The following CHEK2 variants were observed in gnomAD, a reference collection of about 807,000 sequenced individuals.
The protein encoded by CHEK2 is checkpoint kinase 2.
A neutral mutation model predicts 69.1 loss-of-function variants in CHEK2; 71 were observed. The observed-to-expected ratio is 1.03, with a 90% CI of 0.85 to 1.25. The LOEUF (loss-of-function observed/expected upper bound fraction) is 1.25. Among genes scored for constraint, CHEK2 ranks in the 50% most tolerant of loss-of-function variants. The probability of loss-of-function intolerance (pLI) is 0.00; values close to 1 mark genes in which losing one functional copy is unlikely to be tolerated. For synonymous variants in CHEK2, 189 were observed against 226.9 expected (o/e 0.83, Z 1.50); for missense variants, 664 against 649.6 (o/e 1.02, Z -0.24).
At position 28,719,382 on chromosome 22, in the gene CHEK2, G is replaced by C. The variant is rs778407044; in HGVS notation, c.683+13C>G. ...GAAAAAATTAAGTGCATTTATATAAGAAAATAATTTACCTTCCAAGAGTTT... is the reference window on the plus strand; with the variant it reads ...GAAAAAATTAAGTGCATTTATATAACAAAATAATTTACCTTCCAAGAGTTT... On this transcript the variant is annotated intron_variant, in intron 5 of 14. Transcript: ENST00000404276. The C allele has an allele frequency of 1.4e-6, 2 of 1,480,864 alleles. No homozygotes were observed. Among genetic ancestry groups the C allele is most frequent in the South Asian group, 1.2e-5 (1 of 81,904 alleles). The allele number at this position is 1,480,864 out of a possible 1,614,324, so 91.7% of individuals were successfully genotyped here.
At chr22:28,728,683 CAG>C (rs937431384) in intron 2 of CHEK2, among the ~76,000 whole-genome samples, 2 of 151,914 alleles carry the variant, frequency 1.3e-5, no homozygotes, top group Non-Finnish European at 2.9e-5. Context: ...GCCTGGGTGA[CAG>C]AGAGAGAGAC....
chr22:28,735,889 A>G (rs143836897), intron 1 of CHEK2, among the ~76,000 whole-genome samples: 12 of 151,992 alleles, frequency 7.9e-5, no homozygotes, highest in African/African-American at 2.9e-4. Context: ...TCTCAAAAAA[A>G]TTAATTAATT....
At chr22:28,717,996 G>A (rs936077768) in intron 5 of CHEK2, among the ~76,000 whole-genome samples, 15 of 152,228 alleles carry the variant, frequency 9.9e-5, no homozygotes, top group South Asian at 6.2e-4. Flanking sequence ...CAGAAGAATC[G>A]CTTGAACCCG....
chr22:28,716,716 A>T (rs1040478534), intron 5 of CHEK2, among the ~76,000 whole-genome samples: 5 of 152,166 alleles, frequency 3.3e-5, no homozygotes, highest in African/African-American at 1.2e-4. Flanking sequence ...GACCTTTGTG[A>T]GACAGGAAGG....
intron 2 of CHEK2, among the ~76,000 whole-genome samples, chr22:28,732,438 G>C (rs1290188555): frequency 6.6e-6 from 1 of 151,936 alleles, no homozygotes; most frequent in East Asian, 1.9e-4. Flanking sequence ...ACAGAGACAG[G>C]GTTTCCCCAT....
At chr22:28,734,811 ACAGC>A in intron 1 of CHEK2, 84 bp from the exon 2 acceptor site, 1 of 1,067,438 alleles carries the variant, frequency 9.4e-7, no homozygotes, top group South Asian at 1.4e-5. Flanking sequence ...GCCTATTACA[ACAGC>A]AAAAGAAAAG....
intron 2 of CHEK2, 103 bp from the exon 3 acceptor site, chr22:28,725,470 A>T (rs2053972433): frequency 7.5e-7 from 1 of 1,324,516 alleles, no homozygotes. Context: ...CTAAGAAGGC[A>T]ATCAGAATTA....
At chr22:28,698,096 T>A (rs5762750) in intron 9 of CHEK2, among the ~76,000 whole-genome samples, 84,818 of 151,174 alleles carry the variant, frequency 0.56, 25,797 homozygotes, top group South Asian at 0.78. Context: ...ATTTTTTTTT[T>A]AAAAAGGCTT....
intron 1 of CHEK2, among the ~76,000 whole-genome samples, chr22:28,739,459 GCGGGCA>G (rs2054500522): frequency 6.6e-6 from 1 of 152,094 alleles, no homozygotes; most frequent in Non-Finnish European, 1.5e-5. Flanking sequence ...GGAGGCGGAG[GCGGGCA>G]GATCACTTGG....
At position 28,720,213 on chromosome 22, in the gene CHEK2, C is replaced by T. The variant is rs530400539; in HGVS notation, c.593-728G>A. Among the ~76,000 whole-genome samples the T allele has an allele frequency of 3.3e-5, 5 of 151,374 alleles. No homozygotes were observed. The South Asian group carries it at 8.3e-4, about 25-fold the overall frequency. ...TCAAGCAATTTTTGTGCCTCAGCCT[C>T]CTGAGTAGCTGGGATTACAGGCGAA... On this transcript the variant is annotated intron_variant, in intron 4 of 14. Coordinates refer to ENST00000404276, the MANE Select transcript of CHEK2 (RefSeq NM_007194.4).
At chr22:28,716,233 G>C (rs937504594) in intron 5 of CHEK2, among the ~76,000 whole-genome samples, 6 of 139,828 alleles carry the variant, frequency 4.3e-5, no homozygotes, top group African/African-American at 8.2e-5. Context: ...GTCTCACTCT[G>C]TTGCCAAGGG....
At chr22:28,702,474 G>A (rs1415007720) in intron 8 of CHEK2, among the ~76,000 whole-genome samples, 4 of 150,258 alleles carry the variant, frequency 2.7e-5, no homozygotes, top group Non-Finnish European at 5.9e-5. Context: ...TCCTGACCTT[G>A]TGATCCGCCC....
In CHEK2 at chr22:28,719,659, A is replaced by AT. The variant is rs1284888663; in HGVS notation, c.593-175dup. ...ATAATAGGTATTAGTGGGCTAATACATATTGTAAAGCCCTTGAGAAATAAA... is the reference window on the plus strand; with the variant it reads ...ATAATAGGTATTAGTGGGCTAATACATTATTGTAAAGCCCTTGAGAAATAAA... On this transcript the variant is annotated intron_variant, in intron 4 of 14. Coordinates refer to ENST00000404276, the MANE Select transcript of CHEK2 (RefSeq NM_007194.4). 2.0e-5 allele frequency among the ~76,000 whole-genome samples: 3 copies of AT among 152,360 alleles called. No individual in the cohort carries two copies. The East Asian group carries it at 5.8e-4, about 29-fold the overall frequency.
At chr22:28,727,153 T>C (rs1332080749) in intron 2 of CHEK2, among the ~76,000 whole-genome samples, 1 of 152,168 alleles carries the variant, frequency 6.6e-6, no homozygotes, top group African/African-American at 2.4e-5. Context: ...GCGATTCTCC[T>C]GCCTCAGCCT....
intron 2 of CHEK2, among the ~76,000 whole-genome samples, chr22:28,729,540 C>CAAAAAAAAAAAAAAAAA (rs58149342): frequency 1.3e-3 from 112 of 83,070 alleles, no homozygotes; most frequent in East Asian, 6.0e-3. Context: ...GACTCCATCT[C>CAAAAAAAAAAAAAAAAA]AAAAAAAAAA....
chr22:28,732,458 G>T (rs2054249202), intron 2 of CHEK2, among the ~76,000 whole-genome samples: 1 of 152,074 alleles, frequency 6.6e-6, no homozygotes, highest in African/African-American at 2.4e-5. Context: ...TGTTGGCCAG[G>T]ATGGCCTCAA....
chr22:28,741,169 A>AAAG lies in CHEK2; in HGVS notation c.-7+599_-7+600insCTT, dbSNP rs1555935754. Among the ~76,000 whole-genome samples the AAAG allele has an allele frequency of 5.8e-5, 8 of 137,014 alleles. 1 individual carries two copies. The highest frequency in any genetic ancestry group is 3.0e-4 in the Admixed American group (4 of 13,552). 89.9% of individuals were successfully genotyped at this position (137,014 alleles called of 152,430 possible). On this transcript the variant is annotated intron_variant, in intron 1 of 14. Transcript: ENST00000404276. ...GTCTCAAAAAAAAAAAAAAAAAAAA[A>AAAG]AAAGGTACAGATGGTAATCATATAT...
chr22:28,730,326 A>AGGAAAGCGGAAG (rs2054172501), intron 2 of CHEK2: 4 of 439,714 alleles, frequency 9.1e-6, no homozygotes, highest in African/African-American at 8.6e-5. Context: ...CAGAAGGGAA[A>AGGAAAGCGGAAG]GGAAAGGAAA....
In CHEK2 at chr22:28,741,759, T is replaced by C. The variant is rs1057520794; in HGVS notation, c.-7+10A>G. 3 of 414,172 alleles carry C rather than the reference T, an allele frequency of 7.2e-6. No homozygotes were observed. Among genetic ancestry groups the C allele is most frequent in the African/African-American group, 4.0e-5 (2 of 49,678 alleles). The allele number at this position is 414,172 out of a possible 1,614,324, so 25.7% of individuals were successfully genotyped here. On this transcript the variant is annotated intron_variant, in intron 1 of 14. Transcript: ENST00000404276. ...CCAAACACCCAACAGAAGTTCCCCATATGACTCACCGCGTGAGCCCACCTG... is the reference window on the plus strand; with the variant it reads ...CCAAACACCCAACAGAAGTTCCCCACATGACTCACCGCGTGAGCCCACCTG...
Sources: allele counts gnomAD v4.1 joint callset (sites outside exome capture counted in the v4.1 genomes callset), GRCh38; gene constraint gnomAD v4.1.1; transcripts MANE v1.5; gene names NCBI Gene and HGNC (gene_info 2026-07-23, HGNC 2026-07-21).